RAB3D: variants seen among roughly 807,000 people sequenced by gnomAD.
RAB3D encodes ras-related protein Rab-3D.
A neutral mutation model predicts 19.3 loss-of-function variants in RAB3D; 17 were observed. The observed-to-expected ratio is 0.88, with a 90% CI of 0.60 to 1.32. The LOEUF is 1.32. Among genes scored for constraint, RAB3D ranks in the 40% most tolerant of loss-of-function variants. The pLI is 0.00. For synonymous variants in RAB3D, 103 were observed against 119.9 expected, an observed-to-expected ratio of 0.86 and a Z score of 0.92; for missense variants, 223 against 299.1, an observed-to-expected ratio of 0.75 and a Z score of 1.88.
intron 4 of RAB3D, among the ~76,000 whole-genome samples, chr19:11,326,425 G>A (rs1350947878): frequency 6.6e-6 from 1 of 152,082 alleles, no homozygotes; most frequent in Non-Finnish European, 1.5e-5. Context: ...CCATGGTCTG[G>A]ACAATCCTAA....
rs1008064153 is a variant in RAB3D at position 11,323,436 on chromosome 19, C to A, written c.*1962G>T. ...TGAAACCCCTTCTCTACTAAAAATA[C>A]AAAATTTAGCCGGGTGTGGTGGCAG... On this transcript the variant is annotated 3_prime_UTR_variant, in exon 5 of 5. Coordinates refer to ENST00000222120, the MANE Select transcript of RAB3D (RefSeq NM_004283.4). 1.3e-5 allele frequency: 2 copies of A among 151,938 alleles called. No individual in the cohort carries two copies. The highest frequency in any genetic ancestry group is 4.8e-5 in the African/African-American group (2 of 41,370). The allele number at this position is 151,938 out of a possible 1,614,324, so 9.4% of individuals were successfully genotyped here.
rs2080849305 is a variant in RAB3D at position 11,335,499 on chromosome 19, C to T, written c.420G>A (p.Glu140=). The change falls in exon 4 of 5, where the codon GAG becomes GAA. Residue 140 remains glutamate (E), a synonymous_variant. Coordinates refer to ENST00000222120, the MANE Select transcript of RAB3D (RefSeq NM_004283.4). The part of the protein sequence containing the change: ...VILVGNKCDL[E]DERVVPAEDG... ...CCTCAGCAGGCACAACACGTTCGTC[C>T]TCCAGGTCACACTTGTTCCCCACCA... 1 of 1,614,070 alleles carries T rather than the reference C, an allele frequency of 6.2e-7. No homozygotes were observed. Among genetic ancestry groups the T allele is most frequent in the South Asian group, 1.1e-5 (1 of 91,094 alleles).
At chr19:11,336,405 C>T (rs1031933190) in intron 2 of RAB3D, among the ~76,000 whole-genome samples, 3 of 152,046 alleles carry the variant, frequency 2.0e-5, no homozygotes, top group African/African-American at 7.2e-5. Flanking sequence ...AACTCCTGGG[C>T]TCAAGCAATC....
intron 4 of RAB3D, among the ~76,000 whole-genome samples, chr19:11,329,301 C>CT (rs1014430407): frequency 3.3e-5 from 5 of 151,930 alleles, no homozygotes; most frequent in African/African-American, 1.2e-4. Context: ...GTGTGTCTGG[C>CT]TTTTTTTCCT....
rs140803320 is a variant in RAB3D, at chr19:11,329,871, A to T, written c.473-4286T>A. On this transcript the variant is annotated intron_variant, in intron 4 of 4. Transcript: ENST00000222120. Reference sequence around the variant, plus strand: ...TAATTTTTGTATTTTTGGTAGAGACAGGGTTTTACCATGTTGGCCAGGCTG... The same window carrying T: ...TAATTTTTGTATTTTTGGTAGAGACTGGGTTTTACCATGTTGGCCAGGCTG... Among the ~76,000 whole-genome samples, 1,108 of 152,146 alleles carry T rather than the reference A, an allele frequency of 7.3e-3. 8 individuals carry two copies. Among genetic ancestry groups the T allele is most frequent in the Non-Finnish European group, 9.9e-3 (676 of 67,998 alleles).
At chr19:11,327,101 A>C (rs1484960626) in intron 4 of RAB3D, 43 of 403,634 alleles carry the variant, frequency 1.1e-4, no homozygotes. Context: ...TGGAATCATA[A>C]TGAGTTAGCT....
At chr19:11,328,388 A>C (rs2080823610) in intron 4 of RAB3D, among the ~76,000 whole-genome samples, 1 of 149,690 alleles carries the variant, frequency 6.7e-6, no homozygotes, top group Admixed American at 6.7e-5. Flanking sequence ...GTGGTGGCTC[A>C]CGCCTGTAAT....
Position 11,337,442 on chromosome 19 carries a change from G to A in RAB3D, c.-43C>T. 6.5e-7 allele frequency: 1 copy of A among 1,549,700 alleles called. No individual in the cohort carries two copies. Among genetic ancestry groups the A allele is most frequent in the Non-Finnish European group, 8.9e-7 (1 of 1,122,146 alleles). ...GGGACAGGGAGACCTGAAATCCTCA[G>A]GGAGAGGAGACGGGCGTCCTGCAGG... On this transcript the variant is annotated 5_prime_UTR_variant, in exon 2 of 5. Transcript: ENST00000222120.
At chr19:11,337,865 G>T (rs1458794964) in intron 1 of RAB3D, among the ~76,000 whole-genome samples, 1 of 151,820 alleles carries the variant, frequency 6.6e-6, no homozygotes, top group Non-Finnish European at 1.5e-5. Flanking sequence ...TAGAGATGGG[G>T]TCTCATTATG....
At chr19:11,336,840 T>G (rs533436789) in intron 2 of RAB3D, among the ~76,000 whole-genome samples, 3 of 151,592 alleles carry the variant, frequency 2.0e-5, no homozygotes, top group Non-Finnish European at 4.4e-5. Context: ...TGTGGTGGCG[T>G]GCACCTGTAA....
In RAB3D at chr19:11,327,177, C is replaced by T. The variant is rs79872022; in HGVS notation, c.473-1592G>A. Among the ~76,000 whole-genome samples the T allele has an allele frequency of 6.4e-4, 97 of 152,326 alleles. 1 individual carries two copies. Among genetic ancestry groups the T allele is most frequent in the African/African-American group, 2.3e-3 (97 of 41,564 alleles). On this transcript the variant is annotated intron_variant, in intron 4 of 4. Coordinates refer to ENST00000222120, the MANE Select transcript of RAB3D (RefSeq NM_004283.4). ...GCCAGCTCCAGGCAGGCAGGATTTC[C>T]GCCCATGGCTGTACCCAGTGCCCGA...
intron 1 of RAB3D, among the ~76,000 whole-genome samples, chr19:11,338,221 G>A (rs1966916482): frequency 6.6e-6 from 1 of 152,200 alleles, no homozygotes; most frequent in African/African-American, 2.4e-5. Flanking sequence ...TGGGGTGGAG[G>A]GTGGGGAGAC....
chr19:11,329,057 A>G (rs1016883697), intron 4 of RAB3D, among the ~76,000 whole-genome samples: 1 of 150,692 alleles, frequency 6.6e-6, no homozygotes, highest in Admixed American at 6.6e-5. Context: ...AGCTGGGACT[A>G]TAGGGGTGTG....
intron 4 of RAB3D, among the ~76,000 whole-genome samples, chr19:11,326,219 T>TAAA (rs57893701): frequency 4.8e-4 from 68 of 142,096 alleles, no homozygotes; most frequent in African/African-American, 1.5e-3. Flanking sequence ...GAGATTCTAT[T>TAAA]AAAAAAAAAA....
rs138323335 is a variant in RAB3D at position 11,333,922 on chromosome 19, C to T, written c.472+1525G>A. Among the ~76,000 whole-genome samples the T allele has an allele frequency of 1.9e-3, 294 of 151,328 alleles. 2 individuals are homozygous for T. The highest frequency in any genetic ancestry group is 0.017 in the East Asian group (87 of 5,032). On this transcript the variant is annotated intron_variant, in intron 4 of 4. Transcript: ENST00000222120. ...TGTTGGCCAGGCTGGTCTAGAACTC[C>T]TGGCCTCAGGTGATCTGCCTGTCTC...
At position 11,328,908 on chromosome 19, in the gene RAB3D, T is replaced by C. The variant is rs936565186; in HGVS notation, c.473-3323A>G. ...AACAATTACTGTTGGCGTTTTGCTA[T>C]TTAGCTTTCTAGTCTTTATTCATCT... On this transcript the variant is annotated intron_variant, in intron 4 of 4. Transcript: ENST00000222120. Among the ~76,000 whole-genome samples, 59 of 152,000 alleles carry C rather than the reference T, an allele frequency of 3.9e-4. 1 individual carries two copies.
At chr19:11,339,311 A>G (rs112445590) in intron 1 of RAB3D, among the ~76,000 whole-genome samples, 158 bp downstream of exon 1, 5 of 152,242 alleles carry the variant, frequency 3.3e-5, no homozygotes, top group African/African-American at 1.2e-4. Flanking sequence ...ATATGGTCCC[A>G]ACGCCTGTCC....
At chr19:11,338,651 G>A (rs1966920271) in intron 1 of RAB3D, among the ~76,000 whole-genome samples, 1 of 152,106 alleles carries the variant, frequency 6.6e-6, no homozygotes, top group Non-Finnish European at 1.5e-5. Flanking sequence ...GCCCAAGGCT[G>A]ACTCACTCCA....
At chr19:11,331,774 G>A (rs111876310) in intron 4 of RAB3D, among the ~76,000 whole-genome samples, 1 of 151,444 alleles carries the variant, frequency 6.6e-6, no homozygotes, top group African/African-American at 2.4e-5. Context: ...TCACACCACT[G>A]TACTCCAGCC....
Sources: gnomAD v4.1 joint callset for allele counts (sites outside exome capture counted in the v4.1 genomes callset) on GRCh38, gnomAD v4.1.1 for gene constraint, MANE v1.5 for transcripts, NCBI Gene and HGNC (gene_info 2026-07-23, HGNC 2026-07-21) for gene names.